SYT1: variants seen among roughly 807,000 people sequenced by gnomAD.
SYT1 encodes the protein synaptotagmin 1.
A neutral mutation model predicts 44.8 loss-of-function variants in SYT1; 8 were observed. That is an observed-to-expected ratio of 0.18 (90% CI 0.10 to 0.32). The LOEUF (loss-of-function observed/expected upper bound fraction) is 0.32. Among genes scored for constraint, SYT1 ranks in the 10% least tolerant of loss-of-function variants. The pLI, the probability that SYT1 is intolerant of heterozygous loss-of-function variation, is 1.00. For missense variants in SYT1, 286 were observed against 509.3 expected (o/e 0.56, Z 4.22); for synonymous variants, 154 against 188.8 (o/e 0.82, Z 1.51).
intron 1 of SYT1, among the ~76,000 whole-genome samples, chr12:78,869,860 G>C (rs1369612009): frequency 6.6e-6 from 1 of 151,736 alleles, no homozygotes; most frequent in Non-Finnish European, 1.5e-5. Context: ...ATCTTTTTTG[G>C]TTACTGCTAT....
At position 78,977,854 on chromosome 12, in the gene SYT1, G is replaced by A. The variant is rs1011585606; in HGVS notation, c.-161G>A. The stretch of plus-strand genomic sequence containing the variant: ...AGAACTAGCAAGAGCTTGAACAAAC[G>A]CCTGGACTCAGATTGGAAGACTGCT... On this transcript the variant is annotated 5_prime_UTR_variant, in exon 2 of 11. Transcript: ENST00000261205. The A allele has an allele frequency of 6.6e-6, 1 of 152,190 alleles. No individual in the cohort carries two copies. Among genetic ancestry groups the A allele is most frequent in the Non-Finnish European group, 1.5e-5 (1 of 68,052 alleles). The allele number at this position is 152,190 out of a possible 1,614,324, so 9.4% of individuals were successfully genotyped here. A position where few individuals can be genotyped will look rare whatever the true frequency, so the allele number is the denominator to read the frequency against.
intron 2 of SYT1, among the ~76,000 whole-genome samples, chr12:78,991,643 T>TA (rs1279455091): frequency 1.3e-4 from 20 of 152,290 alleles, no homozygotes; most frequent in African/African-American, 3.1e-4. Flanking sequence ...TTAGACTTTT[T>TA]ATCCATGAAA....
At chr12:78,906,281 A>G (rs575103040) in intron 1 of SYT1, among the ~76,000 whole-genome samples, 4 of 152,238 alleles carry the variant, frequency 2.6e-5, no homozygotes, top group African/African-American at 9.6e-5. Flanking sequence ...GTATTCAAAA[A>G]GTAGGAAGAT....
chr12:78,880,497 CATG>C (rs1286895002), intron 1 of SYT1, among the ~76,000 whole-genome samples: 5 of 151,262 alleles, frequency 3.3e-5, no homozygotes, highest in African/African-American at 1.2e-4. Flanking sequence ...CTGTAAATTC[CATG>C]ATAACAGAGA....
intron 8 of SYT1, among the ~76,000 whole-genome samples, chr12:79,328,048 T>C (rs1055868504): frequency 5.9e-5 from 9 of 152,312 alleles, no homozygotes; most frequent in African/African-American, 2.2e-4. Flanking sequence ...AAGCTGTCAG[T>C]GGCCACATCA....
At chr12:79,424,048 G>T (rs1369877342) in intron 9 of SYT1, among the ~76,000 whole-genome samples, 3 of 151,824 alleles carry the variant, frequency 2.0e-5, no homozygotes. Context: ...ACCTACAAAT[G>T]TCCCTCAAAC....
chr12:78,924,106 G>A (rs1365179500), intron 1 of SYT1, among the ~76,000 whole-genome samples: 1 of 151,828 alleles, frequency 6.6e-6, no homozygotes, highest in Non-Finnish European at 1.5e-5. Flanking sequence ...TCCTCATGAT[G>A]AAATTTATTC....
chr12:79,105,532 G>C (rs549849939), intron 3 of SYT1, among the ~76,000 whole-genome samples: 37 of 152,248 alleles, frequency 2.4e-4, no homozygotes, highest in Admixed American at 1.0e-3. Flanking sequence ...AGTAAACTTT[G>C]GGTAGATTAA....
chr12:79,268,082 CTG>C (rs1878226271), intron 4 of SYT1, among the ~76,000 whole-genome samples: 1 of 152,142 alleles, frequency 6.6e-6, no homozygotes, highest in South Asian at 2.1e-4. Context: ...TCAGTAGGGA[CTG>C]TGAATTTGTT....
intron 3 of SYT1, among the ~76,000 whole-genome samples, chr12:79,097,423 G>T (rs1010443836): frequency 6.6e-6 from 1 of 151,944 alleles, no homozygotes; most frequent in Non-Finnish European, 1.5e-5. Context: ...GCATGAGACT[G>T]CCAGAATGAC....
chr12:79,216,467 C>T (rs921750516), intron 3 of SYT1, among the ~76,000 whole-genome samples: 3 of 152,104 alleles, frequency 2.0e-5, no homozygotes, highest in Non-Finnish European at 4.4e-5. Flanking sequence ...GGAGAATATT[C>T]GTTCATTTCT....
intron 3 of SYT1, among the ~76,000 whole-genome samples, chr12:79,191,207 TC>T (rs2138450053): frequency 6.6e-6 from 1 of 152,184 alleles, no homozygotes; most frequent in East Asian, 1.9e-4. Flanking sequence ...ACAGGTTCAT[TC>T]AAGAAAAACA....
chr12:78,947,092 A>G (rs1878698782), intron 1 of SYT1, among the ~76,000 whole-genome samples: 1 of 152,188 alleles, frequency 6.6e-6, no homozygotes. Context: ...TGATATTGTG[A>G]TACAGCATCA....
In SYT1 at chr12:79,034,307, T is replaced by A. The variant is rs546428135; in HGVS notation, c.-83-12990T>A. Among the ~76,000 whole-genome samples the A allele has an allele frequency of 4.6e-5, 7 of 151,660 alleles. No individual in the cohort carries two copies. The South Asian group carries it at 1.5e-3, about 31-fold the overall frequency. On this transcript the variant is annotated intron_variant, in intron 2 of 10. Coordinates refer to ENST00000261205, the MANE Select transcript of SYT1 (RefSeq NM_005639.3). The stretch of plus-strand genomic sequence containing the variant: ...ATCTGTTCTCTTTCCTTTGGGTAAA[T>A]ACTGCTTTCTCCCCATTTTACTGAT...
chr12:78,929,446 A>AAAAAAAAAAAAAAAAG lies in SYT1; in HGVS notation c.-216-48353_-216-48352insAAAAAAAAAAAAAAAG, dbSNP rs373264605. 1.4e-3 allele frequency among the ~76,000 whole-genome samples: 175 copies of AAAAAAAAAAAAAAAAG among 128,570 alleles called. 33 individuals carry two copies. The highest frequency in any genetic ancestry group is 6.5e-3 in the African/African-American group (168 of 25,888). 84.3% of individuals were successfully genotyped at this position (128,570 alleles called of 152,430 possible). On this transcript the variant is annotated intron_variant, in intron 1 of 10. Coordinates refer to ENST00000261205, the MANE Select transcript of SYT1 (RefSeq NM_005639.3). ...AAAAAAAAAAAAAAAAAAAAAAAAA[A>AAAAAAAAAAAAAAAAG]GGTTATTAGCAGCAATTAGTTTTAT...
intron 2 of SYT1, among the ~76,000 whole-genome samples, chr12:78,987,638 C>T (rs1869737319): frequency 6.6e-6 from 1 of 151,986 alleles, no homozygotes; most frequent in South Asian, 2.1e-4. Context: ...CTACAGTACT[C>T]TGCATACATA....
intron 3 of SYT1, among the ~76,000 whole-genome samples, chr12:79,130,008 G>T (rs567114571): frequency 2.2e-4 from 33 of 152,284 alleles, no homozygotes; most frequent in African/African-American, 7.9e-4. Flanking sequence ...TAGATTAAAA[G>T]TTTGCAGATC....
intron 3 of SYT1, among the ~76,000 whole-genome samples, chr12:79,183,034 G>T (rs554217893): frequency 1.3e-5 from 2 of 152,114 alleles, no homozygotes; most frequent in South Asian, 4.2e-4. Flanking sequence ...AAGAATTTAA[G>T]AAATATTTCA....
chr12:79,220,744 G>A (rs1169564789), intron 4 of SYT1, among the ~76,000 whole-genome samples: 1 of 151,886 alleles, frequency 6.6e-6, no homozygotes, highest in Non-Finnish European at 1.5e-5. Flanking sequence ...TTTTTCTAAA[G>A]TCCCTTCTGT....
Sources: gnomAD v4.1 joint callset for allele counts (sites outside exome capture counted in the v4.1 genomes callset) on GRCh38, gnomAD v4.1.1 for gene constraint, MANE v1.5 for transcripts, NCBI Gene and HGNC (gene_info 2026-07-23, HGNC 2026-07-21) for gene names.